Variants in RBM14 observed in about 807,000 individuals in gnomAD.
RBM14 encodes RNA binding motif protein 14, also known as RNA-binding protein 14.
In RBM14, 5 loss-of-function variants were observed where a neutral mutation model predicts 52.8. The ratio of observed to expected loss-of-function variants is 0.09; its 90% CI spans 0.05 to 0.20. The LOEUF (loss-of-function observed/expected upper bound fraction) is 0.20. Ranked by LOEUF, RBM14 falls within the 10% of genes least tolerant of loss-of-function variation. The pLI, the probability that RBM14 is intolerant of heterozygous loss-of-function variation, is 1.00. For missense variants in RBM14, 780 were observed against 926.6 expected, an observed-to-expected ratio of 0.84 and a Z score of 2.05; for synonymous variants, 411 against 401.8, an observed-to-expected ratio of 1.02 and a Z score of -0.28.
chr11:66,619,743 T>A (rs1360496454), intron 1 of RBM14, among the ~76,000 whole-genome samples: 1 of 152,112 alleles, frequency 6.6e-6, no homozygotes, highest in Admixed American at 6.6e-5. Flanking sequence ...ATTTTTTGTA[T>A]TTTTAGTAGA....
At chr11:66,618,463 CA>C (rs1858949792) in intron 1 of RBM14, 1 of 717,240 alleles carries the variant, frequency 1.4e-6, no homozygotes, top group Non-Finnish European at 2.6e-6. Flanking sequence ...CCTTGTTCTG[CA>C]TTAATACTGC....
chr11:66,619,635 C>A (rs1176341261), intron 1 of RBM14: 1 of 151,210 alleles, frequency 6.6e-6, no homozygotes, highest in Admixed American at 6.6e-5. Flanking sequence ...GGCGCCATCT[C>A]GGCTCACTGC....
At position 66,616,634 on chromosome 11, in the gene RBM14, C is replaced by G; in HGVS notation, c.-87C>G. On this transcript the variant is annotated 5_prime_UTR_variant, in exon 1 of 3. Coordinates refer to ENST00000310137, the MANE Select transcript of RBM14 (RefSeq NM_006328.4). ...CGGGGTTCTCGGTCGCCAGCCATTCCTGAGGAGGACTGCCGGTCGTTCGGA... is the reference window on the plus strand; with the variant it reads ...CGGGGTTCTCGGTCGCCAGCCATTCGTGAGGAGGACTGCCGGTCGTTCGGA... 1.4e-6 allele frequency: 2 copies of G among 1,464,694 alleles called. No homozygotes were observed. The highest frequency in any genetic ancestry group is 1.8e-6 in the Non-Finnish European group (2 of 1,102,680). The allele number at this position is 1,464,694 out of a possible 1,614,324, so 90.7% of individuals were successfully genotyped here.
rs963000307 is a variant in RBM14 at position 66,627,989 on chromosome 11, C to T, written c.*1321C>T. On this transcript the variant is annotated 3_prime_UTR_variant, in exon 3 of 3. Coordinates refer to ENST00000310137, the MANE Select transcript of RBM14 (RefSeq NM_006328.4). The stretch of plus-strand genomic sequence containing the variant: ...TGCCAACCCCTGCCATTATAGTCAC[C>T]GGAGACTCCTTTACCTATCCCTATC... Among the ~76,000 whole-genome samples the T allele has an allele frequency of 5.3e-5, 8 of 152,088 alleles. No individual in the cohort carries two copies. The highest frequency in any genetic ancestry group is 1.0e-4 in the Non-Finnish European group (7 of 68,032).
At chr11:66,617,131 G>A in intron 1 of RBM14, 74 bp downstream of exon 1, 2 of 1,512,826 alleles carry the variant, frequency 1.3e-6, no homozygotes, top group African/African-American at 1.4e-5. Context: ...CCTTACCCGG[G>A]GGTCGGTCAC....
At chr11:66,623,166 T>C (rs1859193932) in intron 1 of RBM14, among the ~76,000 whole-genome samples, 1 of 152,188 alleles carries the variant, frequency 6.6e-6, no homozygotes, top group South Asian at 2.1e-4. Context: ...TCATACCTTA[T>C]AGGTGAGAAA....
chr11:66,624,510 C>T lies in RBM14; in HGVS notation c.634C>T (p.Arg212Cys). The T allele has an allele frequency of 3.7e-6, 6 of 1,612,820 alleles. No homozygotes were observed. Among genetic ancestry groups the T allele is most frequent in the Non-Finnish European group, 5.1e-6 (6 of 1,179,106 alleles). The change falls in exon 2 of 3, where the codon CGC (arginine) becomes TGC (cysteine). Residue 212 changes from arginine (R) to cysteine (C), a missense_variant. Physicochemically the swap from Arg to Cys is radical, Grantham distance 180. Around this residue, in one of 4 missense-constraint regions of RBM14, gnomAD observed 675 missense variants for 697.3 expected, o/e 0.97. Coordinates refer to ENST00000310137, the MANE Select transcript of RBM14 (RefSeq NM_006328.4). This position sits in a 1 kb window ranked among gnomAD's most constrained non-coding sequence, Gnocchi z 4.7. The part of the protein sequence containing the change: ...ARQPTPPFFG[R>C]DRSPLRRSPP... ...TCAGCCCACACCACCCTTCTTTGGT[C>T]GCGACCGCAGCCCTCTGCGCCGTTC...
chr11:66,625,569 G>T lies in RBM14; in HGVS notation c.1693G>T (p.Ala565Ser). Reference protein sequence around the residue: ...SAAYLSMSQGAVANANSTPPP... With the variant: ...SAAYLSMSQGSVANANSTPPP... Reference sequence around the variant, plus strand: ...AGCCTACCTGTCCATGTCCCAGGGGGCCGTTGCCAACGCCAACAGCACCCC... The same window carrying T: ...AGCCTACCTGTCCATGTCCCAGGGGTCCGTTGCCAACGCCAACAGCACCCC... The change falls in exon 2 of 3, where the codon GCC (alanine) becomes TCC (serine). Residue 565 changes from alanine to serine, a missense_variant. Ala to Ser is a moderately conservative substitution (Grantham distance 99). Coordinates refer to ENST00000310137, the MANE Select transcript of RBM14 (RefSeq NM_006328.4). The surrounding 1 kb of genome is among the most constrained non-coding windows in gnomAD (Gnocchi z 4.2). 6.2e-7 allele frequency: 1 copy of T among 1,611,968 alleles called. No homozygotes were observed. The highest frequency in any genetic ancestry group is 8.5e-7 in the Non-Finnish European group (1 of 1,179,768).
Position 66,626,789 on chromosome 11 carries a change from AC to A in RBM14, c.*123del. On this transcript the variant is annotated 3_prime_UTR_variant, in exon 3 of 3. Coordinates refer to ENST00000310137, the MANE Select transcript of RBM14 (RefSeq NM_006328.4). ...CTGGTTGTGGTTTTTCATGCCCTCT[AC>A]CATGTGGGCCTTCCCCAGGAGATGA... 1 of 963,964 alleles carries A rather than the reference AC, an allele frequency of 1.0e-6. No individual in the cohort carries two copies. Among genetic ancestry groups the A allele is most frequent in the Non-Finnish European group, 1.5e-6 (1 of 666,012 alleles). 59.7% of individuals were successfully genotyped at this position (963,964 alleles called of 1,614,324 possible). A position where few individuals can be genotyped will look rare whatever the true frequency, so the allele number is the denominator to read the frequency against.
At position 66,625,238 on chromosome 11, in the gene RBM14, T is replaced by A. The variant is rs1425605754; in HGVS notation, c.1362T>A (p.Thr454=). ...CAGCAGCCTACGCCGCACAAGCCACTACCCCAATGGCTGGCTCCTATGGGG... is the reference window on the plus strand; with the variant it reads ...CAGCAGCCTACGCCGCACAAGCCACAACCCCAATGGCTGGCTCCTATGGGG... ...SQPAAYAAQA[T]TPMAGSYGAQ... The change falls in exon 2 of 3, where the codon ACT becomes ACA. Residue 454 remains threonine, a synonymous_variant. Coordinates refer to ENST00000310137, the MANE Select transcript of RBM14 (RefSeq NM_006328.4). The surrounding 1 kb of genome is among the most constrained non-coding windows in gnomAD (Gnocchi z 4.2). The A allele has an allele frequency of 1.2e-6, 2 of 1,612,304 alleles. No homozygotes were observed. The highest frequency in any genetic ancestry group is 1.7e-6 in the Non-Finnish European group (2 of 1,179,770).
At chr11:66,623,664 A>G (rs1024672246) in intron 1 of RBM14, among the ~76,000 whole-genome samples, 8 of 152,212 alleles carry the variant, frequency 5.3e-5, no homozygotes, top group African/African-American at 1.7e-4. Flanking sequence ...CGGAGAGATC[A>G]TATTGGAATG....
In RBM14 at chr11:66,627,227, T is replaced by G. The variant is rs1937858697; in HGVS notation, c.*559T>G. 2 of 152,364 alleles carry G rather than the reference T, an allele frequency of 1.3e-5. No individual in the cohort carries two copies. Among genetic ancestry groups the G allele is most frequent in the African/African-American group, 4.8e-5 (2 of 41,454 alleles). The allele number at this position is 152,364 out of a possible 1,614,324, so 9.4% of individuals were successfully genotyped here. On this transcript the variant is annotated 3_prime_UTR_variant, in exon 3 of 3. Transcript: ENST00000310137. ...TGACCACTAATGTTCTAGCTGATGG[T>G]GAGCGGCACAGTCCCACTTCCCCAT... is the stretch of plus-strand genomic sequence containing the variant.
chr11:66,621,951 G>T (rs1859132134), intron 1 of RBM14, among the ~76,000 whole-genome samples: 1 of 151,914 alleles, frequency 6.6e-6, no homozygotes, highest in African/African-American at 2.4e-5. Context: ...TTTTGCGCTT[G>T]TCACCCAGGC....
At chr11:66,617,127 C>A in intron 1 of RBM14, 70 bp downstream of exon 1, 3 of 1,515,446 alleles carry the variant, frequency 2.0e-6, no homozygotes, top group Non-Finnish European at 2.6e-6. Context: ...CGCCCCTTAC[C>A]CGGGGGTCGG....
In RBM14 at chr11:66,625,052, A is replaced by G; in HGVS notation, c.1176A>G (p.Ser392=). The G allele has an allele frequency of 6.2e-7, 1 of 1,610,012 alleles. No individual in the cohort carries two copies. The highest frequency in any genetic ancestry group is 8.5e-7 in the Non-Finnish European group (1 of 1,178,806). Residue 392 remains serine, a synonymous_variant, in exon 2 of 3, where the codon TCA becomes TCG. Coordinates refer to ENST00000310137, the MANE Select transcript of RBM14 (RefSeq NM_006328.4). The surrounding 1 kb of genome is among the most constrained non-coding windows in gnomAD (Gnocchi z 4.2). ...ASYGAQSAAS[S]LAYGAQAASY... is the part of the protein sequence containing the mutation. ...ATGGGGCCCAGTCTGCAGCCTCCTC[A>G]CTAGCTTATGGAGCCCAGGCAGCTT...
At chr11:66,621,923 A>AT (rs796461427) in intron 1 of RBM14, among the ~76,000 whole-genome samples, 98 of 151,238 alleles carry the variant, frequency 6.5e-4, no homozygotes, top group African/African-American at 2.2e-3. Context: ...GTTTCTTTTT[A>AT]TTTTTTTTGA....
Position 66,626,587 on chromosome 11 carries a change from C to T in RBM14, c.1929C>T (p.Ser643=), listed in dbSNP as rs376048760. ...LDYRRLPDAH[S]DYARYSGSYN... ...ACCGTCGCCTGCCCGATGCCCATTCCGATTACGCACGCTATTCGGGCTCCT... is the reference window on the plus strand; with the variant it reads ...ACCGTCGCCTGCCCGATGCCCATTCTGATTACGCACGCTATTCGGGCTCCT... Residue 643 remains serine (S), a synonymous_variant, in exon 3 of 3, where the codon TCC becomes TCT. Transcript: ENST00000310137. 176 of 1,613,814 alleles carry T rather than the reference C, an allele frequency of 1.1e-4. No individual in the cohort carries two copies. Among genetic ancestry groups the T allele is most frequent in the Non-Finnish European group, 1.4e-4 (160 of 1,180,048 alleles).
At chr11:66,619,808 C>T (rs1299034750) in intron 1 of RBM14, among the ~76,000 whole-genome samples, 7 of 152,140 alleles carry the variant, frequency 4.6e-5, no homozygotes, top group East Asian at 1.9e-4. Context: ...CCTTGTGATC[C>T]GCCTGCCTCA....
In RBM14 at chr11:66,625,252, G is replaced by C; in HGVS notation, c.1376G>C (p.Gly459Ala). The C allele has an allele frequency of 6.2e-7, 1 of 1,611,840 alleles. No homozygotes were observed. Among genetic ancestry groups the C allele is most frequent in the Non-Finnish European group, 8.5e-7 (1 of 1,179,582 alleles). ...YAAQATTPMAGSYGAQPVVQT... is the reference protein window; with the variant it reads ...YAAQATTPMAASYGAQPVVQT... ...GCACAAGCCACTACCCCAATGGCTG[G>C]CTCCTATGGGGCCCAGCCGGTTGTG... is the stretch of plus-strand genomic sequence containing the variant. The change falls in exon 2 of 3, where the codon GGC becomes GCC. Residue 459 changes from glycine to alanine, a missense_variant. By Grantham distance (60) the Gly-to-Ala change is moderately conservative (BLOSUM62 0). Around this residue, in one of 4 missense-constraint regions of RBM14, gnomAD observed 675 missense variants for 697.3 expected, o/e 0.97. Transcript: ENST00000310137. This position sits in a 1 kb window ranked among gnomAD's most constrained non-coding sequence, Gnocchi z 4.2.
Sources: gnomAD v4.1 joint callset for allele counts (sites outside exome capture counted in the v4.1 genomes callset) on GRCh38, gnomAD v4.1.1 for gene constraint, gnomAD v4.1.1 regional missense constraint, Gnocchi (gnomAD v3.1) non-coding constraint, MANE v1.5 for transcripts, NCBI Gene and HGNC (gene_info 2026-07-23, HGNC 2026-07-21) for gene names.